Variants in CD163L1 observed in about 807,000 individuals in gnomAD.
CD163L1 encodes scavenger receptor cysteine-rich type 1 protein M160.
A neutral mutation model predicts 165.4 loss-of-function variants in CD163L1; 124 were observed. The observed-to-expected ratio is 0.75, with a 90% CI of 0.65 to 0.87. CD163L1 has a LOEUF of 0.87. CD163L1 is among the 40% of genes least tolerant of loss of function. CD163L1 has a pLI of 0.00. For synonymous variants in CD163L1, 585 were observed against 662.2 expected (o/e 0.88, Z 1.79); for missense variants, 1,525 against 1,799.9 (o/e 0.85, Z 2.76).
chr12:7,421,047 ATGTATATACG>A (rs1948350271), intron 4 of CD163L1, among the ~76,000 whole-genome samples: 1 of 97,988 alleles, frequency 1.0e-5, no homozygotes, highest in Non-Finnish European at 1.8e-5. Context: ...GTGTATATAT[ATGTATATACG>A]TATATATGTA....
intron 1 of CD163L1, 22 bp from the exon 2 acceptor site, chr12:7,441,268 G>A: frequency 6.4e-7 from 1 of 1,563,322 alleles, no homozygotes; most frequent in Non-Finnish European, 8.8e-7. Context: ...AAATATAGCA[G>A]GGTAGAATTT....
intron 8 of CD163L1, among the ~76,000 whole-genome samples, chr12:7,395,779 CT>C (rs747654309): frequency 6.6e-6 from 1 of 151,994 alleles, no homozygotes; most frequent in Non-Finnish European, 1.5e-5. Flanking sequence ...AAATAAATAA[CT>C]GAATTCTCAT....
Position 7,398,637 on chromosome 12 carries a change from GAAGACTGAAAAGAC to G in CD163L1, c.1409-67_1409-54del. ...GAGATCAAATGAGAGAGTCTTTTCAGAAGACTGAAAAGACTCTCTAAATTCACGACTATAAGGCT... is the reference window on the plus strand; with the variant it reads ...GAGATCAAATGAGAGAGTCTTTTCAGTCTCTAAATTCACGACTATAAGGCT... On this transcript the variant is annotated intron_variant, in intron 6 of 19. Transcript: ENST00000313599. This position sits in a 1 kb window ranked among gnomAD's most constrained non-coding sequence, Gnocchi z 4.5. The G allele has an allele frequency of 6.9e-7, 1 of 1,455,398 alleles. No homozygotes were observed. The highest frequency in any genetic ancestry group is 9.2e-7 in the Non-Finnish European group (1 of 1,083,648). The allele number at this position is 1,455,398 out of a possible 1,614,324, so 90.2% of individuals were successfully genotyped here. A position where few individuals can be genotyped will look rare whatever the true frequency, so the allele number is the denominator to read the frequency against.
At chr12:7,397,880 T>C (rs1947812439) in intron 7 of CD163L1, among the ~76,000 whole-genome samples, 2 of 152,160 alleles carry the variant, frequency 1.3e-5, no homozygotes, top group South Asian at 4.1e-4. Context: ...CAGGGTGAAT[T>C]TACTGATATG....
chr12:7,374,739 G>A lies in CD163L1; in HGVS notation c.3112C>T (p.Leu1038=). 6.2e-7 allele frequency: 1 copy of A among 1,613,758 alleles called. No individual in the cohort carries two copies. Residue 1038 remains leucine (L), a synonymous_variant, in exon 13 of 20, where the codon CTA becomes TTA. Coordinates refer to ENST00000313599, the MANE Select transcript of CD163L1 (RefSeq NM_174941.6). This position sits in a 1 kb window ranked among gnomAD's most constrained non-coding sequence, Gnocchi z 5.4. ...GCACAGCGGCTGTCCCCATCCACTA[G>A]GCGGAGCCGTTTGTCCTCTTAGAGG... ...LICLEDKRLR[L]VDGDSRCAGR...
chr12:7,375,257 T>G, intron 11 of CD163L1, 24 bp downstream of exon 11: 1 of 1,608,628 alleles, frequency 6.2e-7, no homozygotes, highest in Non-Finnish European at 8.5e-7. Flanking sequence ...TGACAGTAGT[T>G]AACCATAAGC....
intron 6 of CD163L1, among the ~76,000 whole-genome samples, chr12:7,401,989 C>A (rs1026017677): frequency 1.3e-5 from 2 of 151,848 alleles, no homozygotes; most frequent in Non-Finnish European, 2.9e-5. Context: ...CCAAATTGAT[C>A]ACACTAAATG....
intron 4 of CD163L1, among the ~76,000 whole-genome samples, chr12:7,415,100 C>G (rs940399003): frequency 3.3e-5 from 5 of 152,012 alleles, no homozygotes; most frequent in African/African-American, 1.2e-4. Flanking sequence ...AATTGTAAAA[C>G]TTAAAAGCAT....
the CD163L1 span, among the ~76,000 whole-genome samples, chr12:7,333,377 C>T: frequency 6.6e-6 from 1 of 152,198 alleles, no homozygotes; most frequent in South Asian, 2.1e-4. Flanking sequence ...GAACAACCTG[C>T]TCCTGAATGA....
downstream of CD163L1, among the ~76,000 whole-genome samples, chr12:7,343,132 A>G (rs939333092): frequency 1.3e-5 from 2 of 152,132 alleles, no homozygotes; most frequent in African/African-American, 4.8e-5. Flanking sequence ...AGAGAAGGAG[A>G]CAGAAAGAAA....
chr12:7,403,904 C>T (rs1335712247), intron 5 of CD163L1, 49 bp from the exon 6 acceptor site: 1 of 1,514,584 alleles, frequency 6.6e-7, no homozygotes, highest in Admixed American at 1.7e-5. Flanking sequence ...GGGACAATAT[C>T]ATCAGCATCC....
rs2136432894 is a variant in CD163L1, at chr12:7,375,888, C to T, written c.2498G>A (p.Cys833Tyr). 1 of 1,614,208 alleles carries T rather than the reference C, an allele frequency of 6.2e-7. No homozygotes were observed. The change falls in exon 10 of 20, where the codon TGC (cysteine) becomes TAC (tyrosine). Residue 833 changes from cysteine to tyrosine, a missense_variant. Coordinates refer to ENST00000313599, the MANE Select transcript of CD163L1 (RefSeq NM_174941.6). ...GGCATCTCCACAGTTTAATTCTCTGCACAGCACATTGGCAGCATGAAGAGA... is the reference window on the plus strand; with the variant it reads ...GGCATCTCCACAGTTTAATTCTCTGTACAGCACATTGGCAGCATGAAGAGA... The part of the protein sequence containing the change: ...DFSLHAANVL[C>Y]RELNCGDAIS...
At chr12:7,393,422 T>G (rs1347239160) in intron 8 of CD163L1, among the ~76,000 whole-genome samples, 1 of 152,164 alleles carries the variant, frequency 6.6e-6, no homozygotes, top group Non-Finnish European at 1.5e-5. Flanking sequence ...GGAACGTATC[T>G]CAAAATAATA....
At chr12:7,323,365 C>T in the CD163L1 span, 1 of 1,596,282 alleles carries the variant, frequency 6.3e-7, no homozygotes, top group Non-Finnish European at 8.6e-7. Context: ...AGAACGTTTT[C>T]CTTTTCTGCT....
chr12:7,404,251 C>T (rs1208528919), intron 5 of CD163L1, among the ~76,000 whole-genome samples: 12 of 151,852 alleles, frequency 7.9e-5, no homozygotes, highest in African/African-American at 2.9e-4. Context: ...ATTTTTAACA[C>T]CGTAAAATAA....
At chr12:7,384,659 G>GAA (rs981740240) in intron 8 of CD163L1, among the ~76,000 whole-genome samples, 11 of 152,038 alleles carry the variant, frequency 7.2e-5, no homozygotes, top group African/African-American at 2.2e-4. Context: ...AGTGCTAAAA[G>GAA]AAAAAAATGC....
intron 8 of CD163L1, among the ~76,000 whole-genome samples, chr12:7,380,594 A>T (rs1461196006): frequency 6.6e-6 from 1 of 152,134 alleles, no homozygotes; most frequent in Admixed American, 6.5e-5. Context: ...ATGCAAAGAC[A>T]TAAGAATAAT....
In CD163L1 at chr12:7,400,181, ATTTTT is replaced by A. The variant is rs1301298015; in HGVS notation, c.1409-1602_1409-1598del. 6.6e-6 allele frequency among the ~76,000 whole-genome samples: 1 copy of A among 152,132 alleles called. No homozygotes were observed. Reference sequence around the variant, plus strand: ...TTCTTGGTTACCTATGTTATGGTTAATTTTTCATTTTCACAAATTACACTGCTACG... The same window carrying A: ...TTCTTGGTTACCTATGTTATGGTTAACATTTTCACAAATTACACTGCTACG... On this transcript the variant is annotated intron_variant, in intron 6 of 19. Transcript: ENST00000313599. The surrounding 1 kb of genome is among the most constrained non-coding windows in gnomAD (Gnocchi z 4.1).
At chr12:7,382,093 T>G (rs1294993116) in intron 8 of CD163L1, among the ~76,000 whole-genome samples, 4 of 149,290 alleles carry the variant, frequency 2.7e-5, no homozygotes, top group Non-Finnish European at 5.9e-5. Context: ...CACATAGAGA[T>G]ATATATATAA....
Sources: gnomAD v4.1 joint callset for allele counts (sites outside exome capture counted in the v4.1 genomes callset) on GRCh38, gnomAD v4.1.1 for gene constraint, Gnocchi (gnomAD v3.1) non-coding constraint, MANE v1.5 for transcripts, NCBI Gene and HGNC (gene_info 2026-07-23, HGNC 2026-07-21) for gene names.